GLMN: variants seen among roughly 807,000 people sequenced by gnomAD.
The protein encoded by GLMN is glomulin, FKBP associated protein.
GLMN carries 75 observed loss-of-function variants against 87.8 expected under a neutral mutation model. The ratio of observed to expected loss-of-function variants is 0.85; its 90% CI spans 0.71 to 1.04. The LOEUF is 1.04. GLMN is among the 50% of genes least tolerant of loss of function. GLMN has a pLI of 0.00. For missense variants in GLMN, 588 were observed against 658.8 expected (o/e 0.89, Z 1.18); for synonymous variants, 206 against 221.6 (o/e 0.93, Z 0.63).
chr1:92,301,673 G>T, upstream of GLMN: 1 of 520,170 alleles, frequency 1.9e-6, no homozygotes. Flanking sequence ...TGCATTATTA[G>T]AATCTTTGAA....
chr1:92,250,982 G>C (rs1199940515), intron 16 of GLMN, among the ~76,000 whole-genome samples: 2 of 152,068 alleles, frequency 1.3e-5, no homozygotes, highest in African/African-American at 4.8e-5. Flanking sequence ...CCCCTTTGTA[G>C]TCAGTTTCCT....
the GLMN span, among the ~76,000 whole-genome samples, chr1:92,369,935 A>C: frequency 8.5e-5 from 13 of 152,204 alleles, no homozygotes; most frequent in African/African-American, 3.1e-4. Context: ...CCCAGGCTGG[A>C]GTGCAGTGGT....
At chr1:92,360,499 G>A in the GLMN span, among the ~76,000 whole-genome samples, 1 of 152,172 alleles carries the variant, frequency 6.6e-6, no homozygotes, top group Admixed American at 6.5e-5. Context: ...AGATTCTCAG[G>A]ATAGTGGAAG....
chr1:92,363,858 C>CATAT, the GLMN span: 6 of 184,012 alleles, frequency 3.3e-5, no homozygotes, highest in Non-Finnish European at 7.0e-5. Flanking sequence ...CATATCCTTA[C>CATAT]ATATGCATTA....
intron 16 of GLMN, among the ~76,000 whole-genome samples, 194 bp downstream of exon 16, chr1:92,262,663 TGGAAAG>T (rs1247349496): frequency 2.6e-5 from 4 of 152,084 alleles, no homozygotes; most frequent in African/African-American, 7.2e-5. Context: ...CAATAGGAAA[TGGAAAG>T]GGAAAGGAAA....
the GLMN span, among the ~76,000 whole-genome samples, chr1:92,305,450 A>AAAAAAAAAC: frequency 1.8e-3 from 261 of 141,894 alleles, 19 homozygotes; most frequent in African/African-American, 7.2e-3. Flanking sequence ...AAAAAAAAAA[A>AAAAAAAAAC]AGACAATATG....
intron 16 of GLMN, among the ~76,000 whole-genome samples, chr1:92,248,761 G>A (rs944079135): frequency 1.3e-5 from 2 of 150,828 alleles, no homozygotes; most frequent in Non-Finnish European, 2.9e-5. Context: ...GTTACTTGCA[G>A]CATTCCAAAT....
At chr1:92,305,261 T>C in the GLMN span, among the ~76,000 whole-genome samples, 1 of 151,460 alleles carries the variant, frequency 6.6e-6, no homozygotes, top group Non-Finnish European at 1.5e-5. Flanking sequence ...TGAAATCCCA[T>C]CTCTACTAAA....
At chr1:92,276,757 G>C (rs996104622) in intron 7 of GLMN, among the ~76,000 whole-genome samples, 1 of 152,158 alleles carries the variant, frequency 6.6e-6, no homozygotes, top group Non-Finnish European at 1.5e-5. Flanking sequence ...CATTAGGGAA[G>C]CATCCTTAAA....
At position 92,297,530 on chromosome 1, in the gene GLMN, C is replaced by T; in HGVS notation, c.40-1G>A. The T allele has an allele frequency of 1.3e-6, 2 of 1,571,800 alleles. No homozygotes were observed. Among genetic ancestry groups the T allele is most frequent in the Non-Finnish European group, 8.6e-7 (1 of 1,164,226 alleles). On this transcript the variant is annotated splice_acceptor_variant, in intron 2 of 18. Transcript: ENST00000370360. LOFTEE classifies it high-confidence loss of function. ...TAAAGTCTTGCTCTTCTAGGATTTG[C>T]TGGCAAAAAAAAAAAAAACCCAAAA...
chr1:92,252,035 T>G (rs1570828482), intron 16 of GLMN, among the ~76,000 whole-genome samples: 1 of 152,048 alleles, frequency 6.6e-6, no homozygotes, highest in Non-Finnish European at 1.5e-5. Flanking sequence ...TAACCTCAGG[T>G]GATCTGCCCG....
rs367876553 is a variant in GLMN at position 92,293,389 on chromosome 1, T to A, written c.166-1852A>T. 1.6e-4 allele frequency among the ~76,000 whole-genome samples: 24 copies of A among 152,234 alleles called. No individual in the cohort carries two copies. The East Asian group carries it at 3.3e-3, about 21-fold the overall frequency. On this transcript the variant is annotated intron_variant, in intron 3 of 18. Coordinates refer to ENST00000370360, the MANE Select transcript of GLMN (RefSeq NM_053274.3). The stretch of plus-strand genomic sequence containing the variant: ...GTCGCGATCTCAGCTCACTGCAAGC[T>A]CCACCTCCTGGGTTCACGTCATTCT...
Position 92,289,029 on chromosome 1 carries a change from G to A in GLMN, c.517C>T (p.Leu173Phe). 1.2e-6 allele frequency: 2 copies of A among 1,609,092 alleles called. No individual in the cohort carries two copies. The highest frequency in any genetic ancestry group is 1.7e-6 in the Non-Finnish European group (2 of 1,175,510). The stretch of plus-strand genomic sequence containing the variant: ...ATTAAGGCCTTGCAACACTGACAAA[G>A]GCCATAGTCATCCATTTGTATTTGT... ...KEQIQMDDYG[L>F]CQCCKALIEF... Residue 173 changes from leucine (L) to phenylalanine (F), a missense_variant, in exon 6 of 19, where the codon CTT becomes TTT. Coordinates refer to ENST00000370360, the MANE Select transcript of GLMN (RefSeq NM_053274.3).
chr1:92,247,815 T>G, intron 17 of GLMN, 63 bp downstream of exon 17: 2 of 767,914 alleles, frequency 2.6e-6, no homozygotes, highest in Non-Finnish European at 4.8e-6. Flanking sequence ...AATTTGAATA[T>G]GACAGTTCCA....
chr1:92,346,594 TATCTA>T, the GLMN span, among the ~76,000 whole-genome samples: 1 of 152,242 alleles, frequency 6.6e-6, no homozygotes, highest in African/African-American at 2.4e-5. Context: ...TATTTTTACA[TATCTA>T]ATATTATTTT....
chr1:92,287,837 G>T (rs1324279588), intron 6 of GLMN, among the ~76,000 whole-genome samples: 1 of 151,798 alleles, frequency 6.6e-6, no homozygotes, highest in East Asian at 1.9e-4. Flanking sequence ...AAAAATTACT[G>T]GTCCATGTAA....
chr1:92,358,472 A>G, the GLMN span, among the ~76,000 whole-genome samples: 1 of 152,036 alleles, frequency 6.6e-6, no homozygotes, highest in Admixed American at 6.6e-5. Flanking sequence ...TTACAACACT[A>G]TATACTTTTC....
At chr1:92,285,679 C>T (rs903071850) in intron 7 of GLMN, among the ~76,000 whole-genome samples, 1 of 152,106 alleles carries the variant, frequency 6.6e-6, no homozygotes, top group Non-Finnish European at 1.5e-5. Flanking sequence ...TACAACTTAC[C>T]CTGTTCTTAA....
At chr1:92,271,408 G>A (rs1450231799) in intron 8 of GLMN, 57 bp downstream of exon 8, 2 of 1,292,370 alleles carry the variant, frequency 1.5e-6, no homozygotes, top group South Asian at 1.2e-5. Context: ...TTAGATAAAT[G>A]AGAATTTTAT....
Sources: allele counts gnomAD v4.1 joint callset (sites outside exome capture counted in the v4.1 genomes callset), GRCh38; gene constraint gnomAD v4.1.1; transcripts MANE v1.5; gene names NCBI Gene and HGNC (gene_info 2026-07-23, HGNC 2026-07-21).